The following KCNIP4 variants were observed in gnomAD, a reference collection of about 807,000 sequenced individuals.
KCNIP4 encodes the protein Kv channel-interacting protein 4.
KCNIP4 carries 12 observed loss-of-function variants against 34.0 expected under a neutral mutation model. The ratio of observed to expected loss-of-function variants is 0.35; its 90% CI spans 0.23 to 0.57. KCNIP4 has a LOEUF of 0.57. KCNIP4 is among the 20% of genes least tolerant of loss of function. The probability of loss-of-function intolerance (pLI) is 0.83; values close to 1 mark genes in which losing one functional copy is unlikely to be tolerated. For synonymous variants in KCNIP4, 124 were observed against 102.2 expected (o/e 1.21, Z -1.29); for missense variants, 238 against 311.7 (o/e 0.76, Z 1.78).
intron 1 of KCNIP4, among the ~76,000 whole-genome samples, chr4:20,994,144 G>T (rs1039717128): frequency 6.6e-6 from 1 of 152,138 alleles, no homozygotes; most frequent in Non-Finnish European, 1.5e-5. Flanking sequence ...ATTACCTTGT[G>T]TCACATAACC....
At chr4:20,848,157 T>A (rs555576180) in intron 3 of KCNIP4, among the ~76,000 whole-genome samples, 1 of 152,286 alleles carries the variant, frequency 6.6e-6, no homozygotes, top group African/African-American at 2.4e-5. Flanking sequence ...GAGCAAACTG[T>A]GAAGTCCTTT....
intron 2 of KCNIP4, among the ~76,000 whole-genome samples, chr4:20,864,975 G>A (rs1413274758): frequency 6.6e-6 from 1 of 152,022 alleles, no homozygotes; most frequent in Non-Finnish European, 1.5e-5. Context: ...ACTGATAATG[G>A]AGAAGGAGCA....
At position 21,259,885 on chromosome 4, in the gene KCNIP4, C is replaced by CCGTGTGTGTGTG. The variant is rs71655623; in HGVS notation, c.62-377177_62-377176insCACACACACACG. ...TGAAAGTTTGGCAAAGCGCCCAAGA[C>CCGTGTGTGTGTG]TGTGTGTGTGTGTGTGTGTGTGTGT... On this transcript the variant is annotated intron_variant, in intron 1 of 8. Transcript: ENST00000382152. 4.1e-5 allele frequency among the ~76,000 whole-genome samples: 6 copies of CCGTGTGTGTGTG among 145,906 alleles called. No individual in the cohort carries two copies. In the Admixed American group the frequency reaches 4.1e-4, roughly 10 times the overall value.
chr4:21,821,158 C>G (rs12500976), intron 1 of KCNIP4, among the ~76,000 whole-genome samples: 1 of 151,804 alleles, frequency 6.6e-6, no homozygotes, highest in Non-Finnish European at 1.5e-5. Flanking sequence ...TATATATAGA[C>G]GCCACTGTTA....
chr4:21,391,525 C>A (rs1722556361), intron 1 of KCNIP4, among the ~76,000 whole-genome samples: 1 of 152,162 alleles, frequency 6.6e-6, no homozygotes, highest in Admixed American at 6.6e-5. Flanking sequence ...AAATGCACAT[C>A]TTTGATGCTC....
At chr4:21,359,233 G>A (rs1426259853) in intron 1 of KCNIP4, among the ~76,000 whole-genome samples, 1 of 152,062 alleles carries the variant, frequency 6.6e-6, no homozygotes, top group Non-Finnish European at 1.5e-5. Context: ...CACTGCTTGA[G>A]CTGGGAAATT....
At chr4:21,367,207 A>G (rs1719870069) in intron 1 of KCNIP4, among the ~76,000 whole-genome samples, 1 of 152,176 alleles carries the variant, frequency 6.6e-6, no homozygotes, top group African/African-American at 2.4e-5. Context: ...CAAATTACCC[A>G]GTCTCAGGTT....
intron 1 of KCNIP4, among the ~76,000 whole-genome samples, chr4:20,907,352 T>C (rs1727872235): frequency 1.3e-5 from 2 of 152,194 alleles, no homozygotes; most frequent in Non-Finnish European, 2.9e-5. Context: ...CTAACTCTGC[T>C]ACTGTTAATT....
rs182859116 is a variant in KCNIP4 at position 21,581,738 on chromosome 4, T to A, written c.61+366833A>T. On this transcript the variant is annotated intron_variant, in intron 1 of 8. Transcript: ENST00000382152. ...TATCACAGCTTGGTTCAGTCCCTCATCACTTCTCACTTGAAGAACTGCCTC... is the reference window on the plus strand; with the variant it reads ...TATCACAGCTTGGTTCAGTCCCTCAACACTTCTCACTTGAAGAACTGCCTC... Among the ~76,000 whole-genome samples the A allele has an allele frequency of 1.2e-4, 18 of 152,060 alleles. No homozygotes were observed. In the East Asian group the frequency reaches 3.5e-3, roughly 29 times the overall value.
At chr4:21,912,378 C>T (rs1728381732) in intron 1 of KCNIP4, among the ~76,000 whole-genome samples, 1 of 152,112 alleles carries the variant, frequency 6.6e-6, no homozygotes. Context: ...CATTAGTCTC[C>T]ATATTAAGTG....
chr4:21,182,752 T>C lies in KCNIP4; in HGVS notation c.62-300043A>G, dbSNP rs78216118. ...AGTGTTTTAAAAAATTATTTTTAAA[T>C]TGTTAAAATAGTATATATAGTATAT... On this transcript the variant is annotated intron_variant, in intron 1 of 8. Transcript: ENST00000382152. Among the ~76,000 whole-genome samples the C allele has an allele frequency of 2.7e-3, 412 of 152,166 alleles. 2 individuals carry two copies. The highest frequency in any genetic ancestry group is 8.8e-3 in the African/African-American group (364 of 41,566).
At chr4:21,067,857 C>A (rs1447857677) in intron 1 of KCNIP4, among the ~76,000 whole-genome samples, 1 of 152,024 alleles carries the variant, frequency 6.6e-6, no homozygotes, top group African/African-American at 2.4e-5. Flanking sequence ...AGTTTCTCAC[C>A]CTTTCTCATA....
chr4:20,758,142 G>A (rs1237687178), intron 4 of KCNIP4, among the ~76,000 whole-genome samples: 2 of 152,096 alleles, frequency 1.3e-5, no homozygotes, highest in East Asian at 3.9e-4. Context: ...GCATCTGTTA[G>A]GTAATTGAAA....
At chr4:21,002,684 G>A (rs1487333238) in intron 1 of KCNIP4, among the ~76,000 whole-genome samples, 1 of 152,054 alleles carries the variant, frequency 6.6e-6, no homozygotes, top group Non-Finnish European at 1.5e-5. Context: ...CTCTGGGGTG[G>A]GTGCAGCAAT....
At chr4:21,277,429 C>T (rs145979478) in intron 1 of KCNIP4, among the ~76,000 whole-genome samples, 1 of 152,178 alleles carries the variant, frequency 6.6e-6, no homozygotes, top group African/African-American at 2.4e-5. Flanking sequence ...ATATTTGATA[C>T]CCTAGGGTAA....
intron 1 of KCNIP4, among the ~76,000 whole-genome samples, chr4:21,551,811 T>C (rs1738608286): frequency 6.6e-6 from 1 of 152,070 alleles, no homozygotes; most frequent in East Asian, 1.9e-4. Flanking sequence ...CAATGCATAT[T>C]AGAATAGAGG....
At chr4:20,894,450 T>G (rs1207117905) in intron 1 of KCNIP4, among the ~76,000 whole-genome samples, 1 of 152,234 alleles carries the variant, frequency 6.6e-6, no homozygotes, top group African/African-American at 2.4e-5. Context: ...GTTCATTTTA[T>G]GACTGGCCCA....
intron 1 of KCNIP4, 39 bp downstream of exon 1, chr4:21,948,532 C>A: frequency 6.3e-7 from 1 of 1,592,396 alleles, no homozygotes; most frequent in Non-Finnish European, 8.6e-7. Context: ...GGAAGGAGGG[C>A]GGAAGCGGGC....
intron 1 of KCNIP4, among the ~76,000 whole-genome samples, chr4:21,170,380 G>A (rs775077827): frequency 7.2e-5 from 11 of 152,152 alleles, no homozygotes; most frequent in Admixed American, 6.5e-5. Context: ...TTCTTGGTTA[G>A]CCATTTAGTG....
Sources: allele counts gnomAD v4.1 joint callset (sites outside exome capture counted in the v4.1 genomes callset), GRCh38; gene constraint gnomAD v4.1.1; transcripts MANE v1.5; gene names NCBI Gene and HGNC (gene_info 2026-07-23, HGNC 2026-07-21).